The following UPP2 variants were observed in gnomAD, a reference collection of about 807,000 sequenced individuals.
UPP2 encodes the protein UPase 2.
In UPP2, 23 loss-of-function variants were observed where a neutral mutation model predicts 26.7. That is an observed-to-expected ratio of 0.86 (90% confidence interval 0.62 to 1.22). The LOEUF is 1.22. Among genes scored for constraint, UPP2 ranks in the 50% most tolerant of loss-of-function variants. The probability of loss-of-function intolerance (pLI) is 0.00; values close to 1 mark genes in which losing one functional copy is unlikely to be tolerated. For synonymous variants in UPP2, 127 were observed against 141.3 expected (o/e 0.90, Z 0.72); for missense variants, 387 against 396.7 (o/e 0.98, Z 0.21).
At chr2:158,122,338 C>A (rs1683587622) in intron 5 of UPP2, among the ~76,000 whole-genome samples, 1 of 152,006 alleles carries the variant, frequency 6.6e-6, no homozygotes. Context: ...CTTTTATTTT[C>A]CCTTTAGCTC....
chr2:158,074,776 A>G (rs943197297), intron 3 of UPP2, among the ~76,000 whole-genome samples: 2 of 151,482 alleles, frequency 1.3e-5, no homozygotes, highest in African/African-American at 2.4e-5. Flanking sequence ...CAATAATAGC[A>G]TTGATTGCAA....
At chr2:158,119,088 A>G (rs1426792661) in intron 4 of UPP2, among the ~76,000 whole-genome samples, 2 of 152,056 alleles carry the variant, frequency 1.3e-5, no homozygotes, top group Admixed American at 1.3e-4. Context: ...GGAACTGCTC[A>G]TTTGGGCATG....
chr2:158,119,134 A>G (rs1349061905), intron 4 of UPP2, among the ~76,000 whole-genome samples: 1 of 152,060 alleles, frequency 6.6e-6, no homozygotes, highest in Non-Finnish European at 1.5e-5. Flanking sequence ...GTTGCTCATA[A>G]TTCTTGGGTT....
At chr2:158,029,795 CTT>C (rs565905140) in intron 3 of UPP2, among the ~76,000 whole-genome samples, 36 of 132,460 alleles carry the variant, frequency 2.7e-4, no homozygotes, top group East Asian at 4.7e-4. Flanking sequence ...CATCTCGTTT[CTT>C]TTTTTTTTTT....
chr2:158,074,399 G>A (rs1682593087), intron 3 of UPP2, among the ~76,000 whole-genome samples: 1 of 152,064 alleles, frequency 6.6e-6, no homozygotes, highest in Non-Finnish European at 1.5e-5. Flanking sequence ...GACATAAAGA[G>A]AAGAAAATAA....
rs200474024 is a variant in UPP2, at chr2:158,060,637, AT to A, written c.148-41402del. Among the ~76,000 whole-genome samples, 1,006 of 152,312 alleles carry A rather than the reference AT, an allele frequency of 6.6e-3. 6 individuals carry two copies. The highest frequency in any genetic ancestry group is 0.031 in the Middle Eastern group (9 of 294). ...TAAACTGTGTTCCCTCAAAATTCGT[AT>A]GTTGAAGCCCTAACTTCCAATGAGA... On this transcript the variant is annotated intron_variant, in intron 3 of 9. Coordinates refer to the UPP2 transcript ENST00000605860.
intron 3 of UPP2, among the ~76,000 whole-genome samples, chr2:158,022,455 C>G (rs1365888885): frequency 9.0e-6 from 1 of 111,248 alleles, no homozygotes; most frequent in Non-Finnish European, 1.7e-5. Context: ...TGAGACTTGT[C>G]TCAAAAAAAA....
At chr2:158,098,883 A>G (rs7591370), upstream of UPP2, among the ~76,000 whole-genome samples, 3,959 of 152,298 alleles carry the variant, frequency 0.026, 172 homozygotes, top group African/African-American at 0.087. Context: ...TTGCACGTAT[A>G]TGTAATAATG....
At position 158,074,239 on chromosome 2, in the gene UPP2, T is replaced by G. The variant is rs147022771; in HGVS notation, c.148-27801T>G. Among the ~76,000 whole-genome samples the G allele has an allele frequency of 6.2e-3, 939 of 152,188 alleles. 6 individuals carry two copies. Among genetic ancestry groups the G allele is most frequent in the Middle Eastern group, 0.034 (10 of 294 alleles). On this transcript the variant is annotated intron_variant, in intron 3 of 9. Transcript: ENST00000605860. ...AATACATCATCTGAAGATAGAAAAC[T>G]CACTGGTAATAGCAAGCACACAGAA...
chr2:158,019,321 A>G (rs1469414306), intron 3 of UPP2, among the ~76,000 whole-genome samples: 1 of 152,100 alleles, frequency 6.6e-6, no homozygotes, highest in Non-Finnish European at 1.5e-5. Flanking sequence ...AGGAGGCAGG[A>G]GAGAGAAGAG....
At chr2:158,056,155 G>A (rs754625759) in intron 3 of UPP2, among the ~76,000 whole-genome samples, 1 of 152,032 alleles carries the variant, frequency 6.6e-6, no homozygotes. Flanking sequence ...GAGAAATTGA[G>A]ACCTTATTTC....
rs547573902 is a variant in UPP2, at chr2:158,044,601, A to C, written c.147+28715A>C. Among the ~76,000 whole-genome samples, 127 of 152,338 alleles carry C rather than the reference A, an allele frequency of 8.3e-4. 1 individual carries two copies. The highest frequency in any genetic ancestry group is 2.9e-3 in the African/African-American group (122 of 41,570). On this transcript the variant is annotated intron_variant, in intron 3 of 9. Coordinates refer to the UPP2 transcript ENST00000605860. ...GAGATTTAGTGACACTCGTGTGCAC[A>C]ATGTATACACATTGTGGAATATAAA... is the stretch of plus-strand genomic sequence containing the variant.
intron 1 of UPP2, among the ~76,000 whole-genome samples, chr2:158,104,142 C>A (rs10182289): frequency 0.079 from 11,961 of 152,204 alleles, 824 homozygotes; most frequent in African/African-American, 0.18. Context: ...AGGGGATTCG[C>A]AGTCTTTCTA....
chr2:158,031,550 C>T (rs997151973), intron 3 of UPP2, among the ~76,000 whole-genome samples: 1 of 152,214 alleles, frequency 6.6e-6, no homozygotes, highest in Non-Finnish European at 1.5e-5. Flanking sequence ...GCTGTTGGAA[C>T]ATCTCCAGGA....
At chr2:158,089,291 C>G (rs145107409) in intron 3 of UPP2, among the ~76,000 whole-genome samples, 6 of 152,276 alleles carry the variant, frequency 3.9e-5, no homozygotes, top group African/African-American at 1.4e-4. Flanking sequence ...CCTCACCTGG[C>G]TTCTCTGCAG....
At chr2:158,103,469 G>T (rs1683118095) in intron 1 of UPP2, among the ~76,000 whole-genome samples, 2 of 152,138 alleles carry the variant, frequency 1.3e-5, no homozygotes, top group Admixed American at 6.5e-5. Context: ...TAGAGATAGG[G>T]TCTAGGGATA....
chr2:158,116,293 A>C (rs1246016188), intron 3 of UPP2, among the ~76,000 whole-genome samples: 1 of 152,238 alleles, frequency 6.6e-6, no homozygotes, highest in Non-Finnish European at 1.5e-5. Context: ...TGATCTTGGT[A>C]AATTTTTTCT....
intron 2 of UPP2, among the ~76,000 whole-genome samples, chr2:158,110,945 C>T (rs1257727894): frequency 6.6e-6 from 1 of 152,058 alleles, no homozygotes; most frequent in Non-Finnish European, 1.5e-5. Flanking sequence ...AAATTTTCTC[C>T]CATTCTGAGG....
At chr2:158,041,706 T>C (rs916857498) in intron 3 of UPP2, among the ~76,000 whole-genome samples, 9 of 152,226 alleles carry the variant, frequency 5.9e-5, no homozygotes, top group Admixed American at 3.9e-4. Flanking sequence ...TGAGAACTAA[T>C]TACATAAGTG....
Sources: allele counts gnomAD v4.1 joint callset (sites outside exome capture counted in the v4.1 genomes callset), GRCh38; gene constraint gnomAD v4.1.1; transcripts MANE v1.5; gene names NCBI Gene and HGNC (gene_info 2026-07-23, HGNC 2026-07-21).